SGSH: variants seen among roughly 807,000 people sequenced by gnomAD.
The protein encoded by SGSH is N-sulfoglucosamine sulfohydrolase, also known as heparan sulfate sulfatase.
Under a neutral mutation model 51.0 loss-of-function variants are expected in SGSH, and 48 were observed. The observed-to-expected ratio is 0.94, with a 90% CI of 0.75 to 1.20. SGSH has a LOEUF of 1.20. Ranked by LOEUF, SGSH falls within the 50% of genes most tolerant of loss-of-function variation. The pLI, the probability that SGSH is intolerant of heterozygous loss-of-function variation, is 0.00. For missense variants in SGSH, 662 were observed against 717.8 expected, an observed-to-expected ratio of 0.92 and a Z score of 0.89; for synonymous variants, 321 against 313.4, an observed-to-expected ratio of 1.02 and a Z score of -0.26.
rs775855154 is a variant in SGSH, at chr17:80,210,536, G to T, written c.1425C>A (p.Thr475=). The T allele has an allele frequency of 6.2e-7, 1 of 1,611,858 alleles. No homozygotes were observed. ...CGGGGGCGCACACCCAGGGGTCGTG[G>T]GTCTCCCACTGCCACTTGGCCAGCT... is the stretch of plus-strand genomic sequence containing the variant. ...RDQLAKWQWE[T]HDPWVCAPDG... is the part of the protein sequence containing the mutation. Residue 475 remains threonine (T), a synonymous_variant, in exon 8 of 8, where the codon ACC becomes ACA. Transcript: ENST00000326317.
At position 80,209,287 on chromosome 17, in the gene SGSH, A is replaced by G. The variant is rs572959943; in HGVS notation, c.*1165T>C. The G allele has an allele frequency of 3.3e-4, 322 of 983,268 alleles. 2 individuals are homozygous for G. In the African/African-American group the frequency reaches 5.1e-3, roughly 16 times the overall value. The allele number at this position is 983,268 out of a possible 1,614,324, so 60.9% of individuals were successfully genotyped here. A position where few individuals can be genotyped will look rare whatever the true frequency, so the allele number is the denominator to read the frequency against. On this transcript the variant is annotated 3_prime_UTR_variant, in exon 8 of 8. Transcript: ENST00000326317. ...GGTATCATCATAAATGAGTTCAGAA[A>G]AAGAACTTCTGTATATTTTACTAAA...
At position 80,211,018 on chromosome 17, in the gene SGSH, G is replaced by A. The variant is rs755179111; in HGVS notation, c.950-7C>T. The A allele has an allele frequency of 1.3e-6, 2 of 1,598,344 alleles. No homozygotes were observed. Among genetic ancestry groups the A allele is most frequent in the Non-Finnish European group, 1.7e-6 (2 of 1,179,800 alleles). On this transcript the variant is annotated splice_region_variant and splice_polypyrimidine_tract_variant and intron_variant, in intron 7 of 7. Coordinates refer to ENST00000326317, the MANE Select transcript of SGSH (RefSeq NM_000199.5). ...AAGATGGTGGGCGTGAGGTCTGGAAGGGACGCGGCATCTCAGAGCAGCAGA... is the reference window on the plus strand; with the variant it reads ...AAGATGGTGGGCGTGAGGTCTGGAAAGGACGCGGCATCTCAGAGCAGCAGA...
At chr17:80,208,463 C>T (rs1279742037), downstream of SGSH, 3 of 953,280 alleles carry the variant, frequency 3.1e-6, no homozygotes, top group Admixed American at 5.6e-5. Context: ...GAGGCCGGCT[C>T]TCCCCACTGG....
chr17:80,210,434 A>C lies in SGSH; in HGVS notation c.*18T>G. On this transcript the variant is annotated 3_prime_UTR_variant, in exon 8 of 8. Transcript: ENST00000326317. ...TCTGGGACATGCCTGGGATGTGTGCACAGGCCTCCTGGGATGGTCACAGCT... is the reference window on the plus strand; with the variant it reads ...TCTGGGACATGCCTGGGATGTGTGCCCAGGCCTCCTGGGATGGTCACAGCT... The C allele has an allele frequency of 6.3e-7, 1 of 1,580,808 alleles. No homozygotes were observed. Among genetic ancestry groups the C allele is most frequent in the Non-Finnish European group, 8.6e-7 (1 of 1,169,016 alleles).
At chr17:80,203,511 G>T, downstream of SGSH, 1 of 318,164 alleles carries the variant, frequency 3.1e-6, no homozygotes, top group Non-Finnish European at 5.8e-6. This position sits in a 1 kb window ranked among gnomAD's most constrained non-coding sequence, Gnocchi z 4.6. Flanking sequence ...GACCCACCAT[G>T]AATATTGAGG....
chr17:80,210,420 C>T lies in SGSH; in HGVS notation c.*32G>A. ...ACGTGTGGGATGTGTCTGGGACATGCCTGGGATGTGTGCACAGGCCTCCTG... is the reference window on the plus strand; with the variant it reads ...ACGTGTGGGATGTGTCTGGGACATGTCTGGGATGTGTGCACAGGCCTCCTG... On this transcript the variant is annotated 3_prime_UTR_variant, in exon 8 of 8. Coordinates refer to ENST00000326317, the MANE Select transcript of SGSH (RefSeq NM_000199.5). The T allele has an allele frequency of 6.4e-7, 1 of 1,562,538 alleles. No individual in the cohort carries two copies. Among genetic ancestry groups the T allele is most frequent in the Admixed American group, 1.8e-5 (1 of 56,760 alleles).
chr17:80,216,538 C>T (rs553238234), intron 2 of SGSH, among the ~76,000 whole-genome samples: 13 of 152,218 alleles, frequency 8.5e-5, no homozygotes, highest in Admixed American at 2.0e-4. Flanking sequence ...CGGAACTGTG[C>T]GCTGAAAAAT....
At chr17:80,204,461 T>C, downstream of SGSH, 2 of 943,074 alleles carry the variant, frequency 2.1e-6, no homozygotes, top group Non-Finnish European at 3.1e-6. Flanking sequence ...CAGGATCTGG[T>C]CTTCAAGAAT....
intron 1 of SGSH, among the ~76,000 whole-genome samples, chr17:80,218,610 G>A (rs2041984538): frequency 6.6e-6 from 1 of 152,210 alleles, no homozygotes; most frequent in South Asian, 2.1e-4. Flanking sequence ...GCACATGGCA[G>A]CCACGTAAAC....
At chr17:80,208,556 A>G, downstream of SGSH, 1 of 505,852 alleles carries the variant, frequency 2.0e-6, no homozygotes, top group Non-Finnish European at 3.5e-6. Context: ...CTGTGGAAAC[A>G]TCTTCACCCT....
downstream of SGSH, chr17:80,205,354 G>A (rs2041240169): frequency 1.7e-6 from 2 of 1,157,216 alleles, no homozygotes. Context: ...AGATAGTTCA[G>A]GATGGAGGTG....
intron 7 of SGSH, chr17:80,211,418 C>T (rs892150607): frequency 5.1e-5 from 16 of 312,958 alleles, no homozygotes; most frequent in African/African-American, 1.9e-4. Context: ...CCTGCTGTCC[C>T]GGGCCCACCC....
chr17:80,208,802 G>A (rs1258379125), downstream of SGSH: 1 of 154,338 alleles, frequency 6.5e-6, no homozygotes, highest in Non-Finnish European at 1.4e-5. Context: ...GCGCCTGGGT[G>A]GTCCCCAAGG....
chr17:80,209,950 C>T lies in SGSH; in HGVS notation c.*502G>A, dbSNP rs1390127774. On this transcript the variant is annotated 3_prime_UTR_variant, in exon 8 of 8. Transcript: ENST00000326317. ...CCAGACGCTGGTAAGAGCCAGGCGC[C>T]GTGCTCCCAGGTGAGTGTCGGTGGG... is the stretch of plus-strand genomic sequence containing the variant. The T allele has an allele frequency of 1.0e-5, 10 of 1,001,400 alleles. No individual in the cohort carries two copies. The highest frequency in any genetic ancestry group is 9.8e-5 in the East Asian group (1 of 10,224). The allele number at this position is 1,001,400 out of a possible 1,614,324, so 62.0% of individuals were successfully genotyped here.
downstream of SGSH, chr17:80,208,606 A>G (rs2041484973): frequency 2.4e-6 from 1 of 418,516 alleles, no homozygotes. Flanking sequence ...AACCCTGAGA[A>G]TGTTTCTGCA....
At position 80,213,556 on chromosome 17, in the gene SGSH, CT is replaced by C; in HGVS notation, c.745+247del. The C allele has an allele frequency of 1.7e-6, 1 of 580,040 alleles. No homozygotes were observed. The highest frequency in any genetic ancestry group is 1.9e-5 in the African/African-American group (1 of 53,616). 35.9% of individuals were successfully genotyped at this position (580,040 alleles called of 1,614,324 possible). On this transcript the variant is annotated intron_variant, in intron 6 of 7. Coordinates refer to ENST00000326317, the MANE Select transcript of SGSH (RefSeq NM_000199.5). This position sits in a 1 kb window ranked among gnomAD's most constrained non-coding sequence, Gnocchi z 4.6. ...TCCTGTGACTGGAAATATCTGAAGT[CT>C]TCACGCAACCTCTGGGGCACCCGAA... is the stretch of plus-strand genomic sequence containing the variant.
In SGSH at chr17:80,210,206, C is replaced by T; in HGVS notation, c.*246G>A. 7.1e-7 allele frequency: 1 copy of T among 1,413,118 alleles called. No individual in the cohort carries two copies. Among genetic ancestry groups the T allele is most frequent in the Non-Finnish European group, 9.2e-7 (1 of 1,086,548 alleles). 87.5% of individuals were successfully genotyped at this position (1,413,118 alleles called of 1,614,324 possible). A position where few individuals can be genotyped will look rare whatever the true frequency, so the allele number is the denominator to read the frequency against. On this transcript the variant is annotated 3_prime_UTR_variant, in exon 8 of 8. Transcript: ENST00000326317. ...GGACATGGTTCAGACACAAGGACAA[C>T]TGTGTCCCCTGCCATGACGGCAGTG...
At chr17:80,201,903 G>A (rs756997770), downstream of SGSH, 1 of 1,583,196 alleles carries the variant, frequency 6.3e-7, no homozygotes, top group South Asian at 1.2e-5. This position sits in a 1 kb window ranked among gnomAD's most constrained non-coding sequence, Gnocchi z 5.0. Context: ...GTGCACAGCT[G>A]CCTGGCCAGA....
chr17:80,212,085 T>G lies in SGSH; in HGVS notation c.935A>C (p.Tyr312Ser). Residue 312 changes from tyrosine to serine, a missense_variant, in exon 7 of 8, where the codon TAC becomes TCC. Tyr to Ser is a moderately radical substitution (Grantham distance 144). Coordinates refer to ENST00000326317, the MANE Select transcript of SGSH (RefSeq NM_000199.5). This position sits in a 1 kb window ranked among gnomAD's most constrained non-coding sequence, Gnocchi z 5.9. Reference protein sequence around the residue: ...PKRWGQVSEAYVSLLDLTPTI... With the variant: ...PKRWGQVSEASVSLLDLTPTI... Reference sequence around the variant, plus strand: ...CAAAGGCATACCTAGGAGGCTCACGTAGGCCTCGCTGACTTGGCCCCAGCG... The same window carrying G: ...CAAAGGCATACCTAGGAGGCTCACGGAGGCCTCGCTGACTTGGCCCCAGCG... 6.2e-7 allele frequency: 1 copy of G among 1,613,494 alleles called. No individual in the cohort carries two copies. Among genetic ancestry groups the G allele is most frequent in the Non-Finnish European group, 8.5e-7 (1 of 1,179,980 alleles).
Sources: allele counts gnomAD v4.1 joint callset (sites outside exome capture counted in the v4.1 genomes callset), GRCh38; gene constraint gnomAD v4.1.1; non-coding constraint Gnocchi (gnomAD v3.1); transcripts MANE v1.5; gene names NCBI Gene and HGNC (gene_info 2026-07-23, HGNC 2026-07-21).